The following TTC19 variants were observed in gnomAD, a reference collection of about 807,000 sequenced individuals.
TTC19 encodes the protein tetratricopeptide repeat protein 19, mitochondrial.
A neutral mutation model predicts 49.5 loss-of-function variants in TTC19; 38 were observed. The observed-to-expected ratio is 0.77, with a 90% CI of 0.59 to 1.01. The LOEUF is 1.01. TTC19 is among the 50% of genes least tolerant of loss of function. TTC19 has a pLI of 0.00. For missense variants in TTC19, 475 were observed against 477.7 expected, an observed-to-expected ratio of 0.99 and a Z score of 0.05; for synonymous variants, 204 against 185.2, an observed-to-expected ratio of 1.10 and a Z score of -0.83.
chr17:16,035,952 T>C (rs954948347), intron 2 of TTC19, among the ~76,000 whole-genome samples: 1 of 152,222 alleles, frequency 6.6e-6, no homozygotes, highest in Non-Finnish European at 1.5e-5. Flanking sequence ...CCTGTTAATG[T>C]TGATATTCTT....
Position 16,001,982 on chromosome 17 carries a change from A to G in TTC19, c.380A>G (p.Tyr127Cys). The G allele has an allele frequency of 6.8e-6, 11 of 1,613,380 alleles. No homozygotes were observed. The highest frequency in any genetic ancestry group is 1.1e-5 in the South Asian group (1 of 91,086). ...LILHDALRLA[Y>C]QTDNKKAITY... is the part of the protein sequence containing the mutation. The stretch of plus-strand genomic sequence containing the variant: ...TTGCATGACGCTCTTCGTCTCGCCT[A>G]TCAGACTGATAACAAGAAGGCCATC... The change falls in exon 3 of 10, where the codon TAT (tyrosine) becomes TGT (cysteine). Residue 127 changes from tyrosine to cysteine, a missense_variant. Tyr to Cys is a radical substitution (Grantham distance 194, BLOSUM62 -2). Coordinates refer to ENST00000261647, the MANE Select transcript of TTC19 (RefSeq NM_017775.4).
intron 7 of TTC19, among the ~76,000 whole-genome samples, chr17:16,015,471 CT>C (rs1452650139): frequency 6.6e-6 from 1 of 152,102 alleles, no homozygotes; most frequent in East Asian, 1.9e-4. Flanking sequence ...GATCCTCTTC[CT>C]TTTCTAGATC....
In TTC19 at chr17:16,028,282, G is replaced by C. The variant is rs1268894677; in HGVS notation, c.*760G>C. The C allele has an allele frequency of 2.2e-6, 1 of 453,966 alleles. No homozygotes were observed. Among genetic ancestry groups the C allele is most frequent in the Admixed American group, 2.4e-5 (1 of 42,544 alleles). The allele number at this position is 453,966 out of a possible 1,614,324, so 28.1% of individuals were successfully genotyped here. A position where few individuals can be genotyped will look rare whatever the true frequency, so the allele number is the denominator to read the frequency against. On this transcript the variant is annotated 3_prime_UTR_variant, in exon 10 of 10. Coordinates refer to ENST00000261647, the MANE Select transcript of TTC19 (RefSeq NM_017775.4). ...TAGTCACACAACTGAGTCATCTCAA[G>C]TACTCTTTAAGGACACACAGCCCAG...
chr17:16,023,873 T>C (rs1175930062), intron 7 of TTC19: 1 of 152,248 alleles, frequency 6.6e-6, no homozygotes, highest in East Asian at 1.9e-4. Context: ...CTATGCCACT[T>C]GTAAGATTTC....
At chr17:16,000,560 A>G (rs1363575537) in intron 2 of TTC19, 2 of 522,310 alleles carry the variant, frequency 3.8e-6, no homozygotes, top group African/African-American at 4.0e-5. Context: ...CCTATCTGAA[A>G]TGACATAATT....
At position 16,025,163 on chromosome 17, in the gene TTC19, C is replaced by T; in HGVS notation, c.823C>T (p.His275Tyr). The T allele has an allele frequency of 8.7e-6, 14 of 1,613,764 alleles. No individual in the cohort carries two copies. Among genetic ancestry groups the T allele is most frequent in the Non-Finnish European group, 1.1e-5 (13 of 1,179,814 alleles). Residue 275 changes from histidine (H) to tyrosine (Y), a missense_variant, in exon 8 of 10, where the codon CAC (histidine) becomes TAC (tyrosine). By Grantham distance (83) the His-to-Tyr change is moderately conservative (BLOSUM62 2). Coordinates refer to ENST00000261647, the MANE Select transcript of TTC19 (RefSeq NM_017775.4). ...TTCTGAAGAAATACAAGGAGAAAGACACCCACAGGTAAGGGAGGAAAACAC... is the reference window on the plus strand; with the variant it reads ...TTCTGAAGAAATACAAGGAGAAAGATACCCACAGGTAAGGGAGGAAAACAC... ...QISEEIQGER[H>Y]PQTIVLMSDL...
intron 2 of TTC19, among the ~76,000 whole-genome samples, chr17:16,035,195 T>G (rs1349356040): frequency 2.0e-5 from 3 of 152,186 alleles, no homozygotes; most frequent in Admixed American, 6.5e-5. Flanking sequence ...TGCATGGCGG[T>G]TGCCAAAGGC....
intron 7 of TTC19, among the ~76,000 whole-genome samples, chr17:16,016,865 G>T (rs4792714): frequency 0.16 from 24,660 of 149,706 alleles, 4,511 homozygotes; most frequent in African/African-American, 0.45. Flanking sequence ...GCCAGTTTTT[G>T]GTATTTTTAG....
chr17:16,012,429 G>A (rs2151660836), intron 7 of TTC19, among the ~76,000 whole-genome samples: 1 of 152,178 alleles, frequency 6.6e-6, no homozygotes, highest in African/African-American at 2.4e-5. Context: ...AGTGAGCTGA[G>A]ATCGCACCAC....
intron 7 of TTC19, among the ~76,000 whole-genome samples, chr17:16,019,226 G>A (rs371047196): frequency 2.0e-5 from 3 of 152,128 alleles, no homozygotes; most frequent in Non-Finnish European, 4.4e-5. Flanking sequence ...CCCACTACTC[G>A]GGAGGCTGAG....
intron 2 of TTC19, among the ~76,000 whole-genome samples, chr17:16,001,013 A>G (rs1970711526): frequency 6.6e-6 from 1 of 152,112 alleles, no homozygotes. Flanking sequence ...TATTTCTCAA[A>G]TCTTTCCCCT....
chr17:16,038,435 CTTTT>C (rs34997322), intron 2 of TTC19, among the ~76,000 whole-genome samples: 17 of 149,334 alleles, frequency 1.1e-4, no homozygotes, highest in Non-Finnish European at 2.5e-4. Context: ...TTTTCCTACT[CTTTT>C]TTTTTTTCCT....
At chr17:16,039,674 A>T in intron 2 of TTC19, 1 of 1,590,702 alleles carries the variant, frequency 6.3e-7, no homozygotes, top group Non-Finnish European at 8.6e-7. Context: ...AATCAAAAAC[A>T]TTTCCACTTA....
chr17:16,026,571 C>T lies in TTC19; in HGVS notation c.863C>T (p.Thr288Ile), dbSNP rs964860701. 1.2e-6 allele frequency: 2 copies of T among 1,614,004 alleles called. No individual in the cohort carries two copies. Among genetic ancestry groups the T allele is most frequent in the African/African-American group, 1.3e-5 (1 of 74,910 alleles). Residue 288 changes from threonine to isoleucine, a missense_variant, in exon 9 of 10, where the codon ACC becomes ATC. By Grantham distance (89) the Thr-to-Ile change is moderately conservative (BLOSUM62 -1). Coordinates refer to ENST00000261647, the MANE Select transcript of TTC19 (RefSeq NM_017775.4). Reference protein sequence around the residue: ...TIVLMSDLATTLDAQGRFDEA... With the variant: ...TIVLMSDLATILDAQGRFDEA... The stretch of plus-strand genomic sequence containing the variant: ...GTGCTGATGAGTGACCTGGCTACTA[C>T]CCTGGATGCACAGGGCCGCTTTGAT...
At chr17:16,025,273 T>G in intron 8 of TTC19, 102 bp downstream of exon 8, 1 of 1,200,536 alleles carries the variant, frequency 8.3e-7, no homozygotes, top group Non-Finnish European at 1.2e-6. Flanking sequence ...CAGATGGTCC[T>G]AGATCCTCCT....
chr17:16,044,995 T>TTAA, exon 3 of TTC19: 2 of 462,886 alleles, frequency 4.3e-6, no homozygotes, highest in Non-Finnish European at 7.8e-6. Flanking sequence ...AAAGCTGAAC[T>TTAA]TAAGAAAAAA....
intron 2 of TTC19, 23 bp downstream of exon 2, chr17:16,000,268 G>T: frequency 6.3e-7 from 1 of 1,592,712 alleles, no homozygotes; most frequent in Non-Finnish European, 8.5e-7. Context: ...CGGGCCCTGC[G>T]CCCGGCCGAG....
intron 7 of TTC19, among the ~76,000 whole-genome samples, chr17:16,018,587 G>A (rs1971281245): frequency 6.6e-6 from 1 of 152,038 alleles, no homozygotes; most frequent in Non-Finnish European, 1.5e-5. Flanking sequence ...GCTCACTGCA[G>A]CCTCAACCTC....
At position 16,029,175 on chromosome 17, in the gene TTC19, A is replaced by G. The variant is rs1458868316; in HGVS notation, c.*1653A>G. On this transcript the variant is annotated 3_prime_UTR_variant, in exon 10 of 10. Transcript: ENST00000261647. ...TGAAAGGTTTTTCATTCCAAGTTTT[A>G]TTTATTTATTAATTTTAAATCATCC... 2.2e-6 allele frequency: 1 copy of G among 453,096 alleles called. No homozygotes were observed. The highest frequency in any genetic ancestry group is 2.0e-5 in the African/African-American group (1 of 50,028). The allele number at this position is 453,096 out of a possible 1,614,324, so 28.1% of individuals were successfully genotyped here.
Sources: gnomAD v4.1 joint callset for allele counts (sites outside exome capture counted in the v4.1 genomes callset) on GRCh38, gnomAD v4.1.1 for gene constraint, MANE v1.5 for transcripts, NCBI Gene and HGNC (gene_info 2026-07-23, HGNC 2026-07-21) for gene names.